Variants in STK4 observed in about 807,000 individuals in gnomAD.
STK4 encodes serine/threonine kinase 4.
STK4 carries 30 observed loss-of-function variants against 64.9 expected under a neutral mutation model. The observed-to-expected ratio is 0.46, with a 90% CI of 0.35 to 0.63. The LOEUF is 0.63. STK4 is among the 20% of genes least tolerant of loss of function. STK4 has a pLI of 0.01. For missense variants in STK4, 466 were observed against 598.5 expected, an observed-to-expected ratio of 0.78 and a Z score of 2.31; for synonymous variants, 177 against 199.0, an observed-to-expected ratio of 0.89 and a Z score of 0.93.
intron 10 of STK4, among the ~76,000 whole-genome samples, chr20:45,026,128 GTTTTTTTT>G: frequency 7.8e-6 from 1 of 128,964 alleles, no homozygotes; most frequent in South Asian, 2.4e-4. Flanking sequence ...TTATCCAGTG[GTTTTTTTT>G]TTTTTTTTTG....
chr20:45,006,604 G>A (rs945160121), intron 9 of STK4, among the ~76,000 whole-genome samples: 2 of 151,968 alleles, frequency 1.3e-5, no homozygotes, highest in African/African-American at 4.8e-5. Flanking sequence ...TATCTTGCTC[G>A]GAGGTCCTTT....
intron 9 of STK4, among the ~76,000 whole-genome samples, chr20:45,009,497 G>A (rs6031930): frequency 6.6e-6 from 1 of 152,098 alleles, no homozygotes; most frequent in South Asian, 2.1e-4. Context: ...TTTTTGCTTA[G>A]GATTGCTTTG....
chr20:44,972,245 A>C (rs2067261086), intron 2 of STK4, 87 bp downstream of exon 2: 6 of 1,228,448 alleles, frequency 4.9e-6, no homozygotes, highest in Non-Finnish European at 7.1e-6. Context: ...ACCTTTCAGC[A>C]TTGTTCTAGG....
Position 44,978,436 on chromosome 20 carries a change from T to C in STK4, c.117-7T>C. Reference sequence around the variant, plus strand: ...TTATAAATGTTCTTCTTCTCCCAAATGTATAGGTCCTATGGCAGCGTATAC... The same window carrying C: ...TTATAAATGTTCTTCTTCTCCCAAACGTATAGGTCCTATGGCAGCGTATAC... On this transcript the variant is annotated splice_region_variant and splice_polypyrimidine_tract_variant and intron_variant, in intron 2 of 10. Transcript: ENST00000372806. The C allele has an allele frequency of 2.5e-6, 4 of 1,603,154 alleles. No individual in the cohort carries two copies. The highest frequency in any genetic ancestry group is 2.5e-6 in the Non-Finnish European group (3 of 1,176,668).
At chr20:45,057,291 C>CA (rs1319229336) in intron 10 of STK4, among the ~76,000 whole-genome samples, 1 of 152,220 alleles carries the variant, frequency 6.6e-6, no homozygotes, top group African/African-American at 2.4e-5. Context: ...ACACGTTCTT[C>CA]AGAGAAATGA....
chr20:45,006,291 G>A (rs1034758649), intron 9 of STK4, among the ~76,000 whole-genome samples: 5 of 147,464 alleles, frequency 3.4e-5, no homozygotes, highest in African/African-American at 1.3e-4. Context: ...TCCCAGAAAT[G>A]TGGTCTTGCT....
chr20:45,052,071 C>T (rs2068784993), intron 10 of STK4, among the ~76,000 whole-genome samples: 1 of 152,218 alleles, frequency 6.6e-6, no homozygotes, highest in South Asian at 2.1e-4. Context: ...GCACGTAAAG[C>T]ACCTTTAGGA....
At chr20:45,019,044 T>C (rs572436065) in intron 9 of STK4, among the ~76,000 whole-genome samples, 133 of 152,320 alleles carry the variant, frequency 8.7e-4, no homozygotes, top group African/African-American at 2.9e-3. Context: ...TATTTTTAAA[T>C]TGAGATATAA....
chr20:45,027,766 C>T (rs1286236533), intron 10 of STK4, among the ~76,000 whole-genome samples: 1 of 152,156 alleles, frequency 6.6e-6, no homozygotes, highest in Non-Finnish European at 1.5e-5. Flanking sequence ...ATCCCTCTTT[C>T]ACCTCTTTCC....
intron 10 of STK4, among the ~76,000 whole-genome samples, chr20:45,052,407 T>C (rs572619128): frequency 6.6e-6 from 1 of 152,354 alleles, no homozygotes; most frequent in Non-Finnish European, 1.5e-5. Flanking sequence ...TAACATATCT[T>C]AAACATTTTC....
intron 4 of STK4, among the ~76,000 whole-genome samples, chr20:44,985,967 A>G (rs2067523912): frequency 6.6e-6 from 1 of 152,206 alleles, no homozygotes; most frequent in Non-Finnish European, 1.5e-5. Context: ...GAGTTTGTTT[A>G]GGACTGGTGT....
intron 10 of STK4, among the ~76,000 whole-genome samples, chr20:45,043,230 A>G (rs2068641420): frequency 6.6e-6 from 1 of 152,172 alleles, no homozygotes; most frequent in Non-Finnish European, 1.5e-5. Flanking sequence ...TATATATACC[A>G]CATGTTCTTT....
At chr20:45,016,093 T>G (rs1464680923) in intron 9 of STK4, among the ~76,000 whole-genome samples, 1 of 152,192 alleles carries the variant, frequency 6.6e-6, no homozygotes, top group East Asian at 1.9e-4. Flanking sequence ...ACTTGTCAGT[T>G]TCAGTAACAT....
intron 10 of STK4, among the ~76,000 whole-genome samples, chr20:45,071,149 G>A (rs1195331230): frequency 6.6e-6 from 1 of 152,058 alleles, no homozygotes; most frequent in Non-Finnish European, 1.5e-5. Flanking sequence ...TATGGAGTAT[G>A]GGTATCACAG....
chr20:44,983,729 G>T (rs905559325), intron 4 of STK4, among the ~76,000 whole-genome samples: 7 of 152,074 alleles, frequency 4.6e-5, no homozygotes, highest in Non-Finnish European at 7.4e-5. Flanking sequence ...AGAAAAATAA[G>T]AATAATAATA....
At chr20:45,063,832 G>C (rs1979317391) in intron 10 of STK4, among the ~76,000 whole-genome samples, 1 of 150,824 alleles carries the variant, frequency 6.6e-6, no homozygotes, top group Non-Finnish European at 1.5e-5. Flanking sequence ...TTTTGAGACG[G>C]AGTCTCGCTC....
At chr20:45,003,275 T>C (rs2067873581) in intron 9 of STK4, among the ~76,000 whole-genome samples, 1 of 152,188 alleles carries the variant, frequency 6.6e-6, no homozygotes, top group Admixed American at 6.5e-5. Flanking sequence ...GTGCTGGAAT[T>C]AGAGGTGTGA....
chr20:45,025,049 C>G lies in STK4; in HGVS notation c.1224C>G (p.Ile408Met). The G allele has an allele frequency of 1.9e-6, 3 of 1,613,310 alleles. No individual in the cohort carries two copies. Among genetic ancestry groups the G allele is most frequent in the Non-Finnish European group, 2.5e-6 (3 of 1,179,624 alleles). ...AACAAAAAGAAAAGGAAAACCAGATCAACAGCTTTGGCAAGAGTGTACCTG... is the reference window on the plus strand; with the variant it reads ...AACAAAAAGAAAAGGAAAACCAGATGAACAGCTTTGGCAAGAGTGTACCTG... Reference protein sequence around the residue: ...YFEQKEKENQINSFGKSVPGP... With the variant: ...YFEQKEKENQMNSFGKSVPGP... The change falls in exon 10 of 11, where the codon ATC becomes ATG. Residue 408 changes from isoleucine (I) to methionine (M), a missense_variant. Ile to Met is a conservative substitution (Grantham distance 10, BLOSUM62 1). Around this residue, in one of 2 missense-constraint regions of STK4, gnomAD observed 276 missense variants for 308.9 expected, o/e 0.89. Coordinates refer to ENST00000372806, the MANE Select transcript of STK4 (RefSeq NM_006282.5).
At chr20:45,029,480 T>G (rs573080596) in intron 10 of STK4, among the ~76,000 whole-genome samples, 9 of 152,292 alleles carry the variant, frequency 5.9e-5, no homozygotes, top group African/African-American at 2.2e-4. Flanking sequence ...AGCAATAAAA[T>G]TGAGATGAGA....
Sources: gnomAD v4.1 joint callset for allele counts (sites outside exome capture counted in the v4.1 genomes callset) on GRCh38, gnomAD v4.1.1 for gene constraint, gnomAD v4.1.1 regional missense constraint, MANE v1.5 for transcripts, NCBI Gene and HGNC (gene_info 2026-07-23, HGNC 2026-07-21) for gene names.